The following TPD52L1 variants were observed in gnomAD, a reference collection of about 807,000 sequenced individuals.
TPD52L1 encodes the protein TPD52 like 1.
Under a neutral mutation model 28.7 loss-of-function variants are expected in TPD52L1, and 18 were observed. That is an observed-to-expected ratio of 0.63 (90% CI 0.43 to 0.93). The LOEUF is 0.93. Ranked by LOEUF, TPD52L1 falls within the 40% of genes least tolerant of loss-of-function variation. TPD52L1 has a pLI of 0.00. For missense variants in TPD52L1, 203 were observed against 254.8 expected, an observed-to-expected ratio of 0.80 and a Z score of 1.39; for synonymous variants, 75 against 88.8, an observed-to-expected ratio of 0.84 and a Z score of 0.88.
At chr6:125,254,073 AT>A (rs1247520050) in intron 5 of TPD52L1, among the ~76,000 whole-genome samples, 3 of 152,240 alleles carry the variant, frequency 2.0e-5, no homozygotes, top group Non-Finnish European at 4.4e-5. Context: ...TACATAAAGC[AT>A]TTAGCACAGT....
chr6:125,250,289 TC>T (rs1348527099), intron 4 of TPD52L1, among the ~76,000 whole-genome samples: 1 of 152,194 alleles, frequency 6.6e-6, no homozygotes, highest in African/African-American at 2.4e-5. Context: ...GTTGCACCTC[TC>T]AGAGGTTGTG....
intron 6 of TPD52L1, 54 bp from the exon 7 acceptor site, chr6:125,262,780 T>C: frequency 1.3e-6 from 2 of 1,552,460 alleles, no homozygotes; most frequent in Non-Finnish European, 1.7e-6. Flanking sequence ...TATAAAAACA[T>C]TACAAAAATG....
chr6:125,174,966 A>G (rs1473262331), intron 1 of TPD52L1, among the ~76,000 whole-genome samples: 2 of 152,206 alleles, frequency 1.3e-5, no homozygotes, highest in Admixed American at 6.5e-5. Context: ...ATTTCAAAAA[A>G]TAAGGCACAA....
intron 1 of TPD52L1, chr6:125,214,471 C>CT (rs1026975767): frequency 2.5e-5 from 25 of 983,272 alleles, no homozygotes; most frequent in Middle Eastern, 5.2e-4. Flanking sequence ...TCGGTAAGTC[C>CT]TAGATATCTA....
chr6:125,170,388 T>C (rs533058298), intron 1 of TPD52L1, among the ~76,000 whole-genome samples: 14 of 149,992 alleles, frequency 9.3e-5, no homozygotes, highest in Non-Finnish European at 1.8e-4. Context: ...TTATGTAGCC[T>C]AGAAAAATAG....
At chr6:125,168,578 C>A (rs1340895173) in intron 1 of TPD52L1, among the ~76,000 whole-genome samples, 1 of 150,178 alleles carries the variant, frequency 6.7e-6, no homozygotes, top group Non-Finnish European at 1.5e-5. Flanking sequence ...AGTGCAGTGG[C>A]ACAATTTTGG....
intron 6 of TPD52L1, chr6:125,260,529 G>T (rs1797851935): frequency 6.6e-6 from 1 of 152,202 alleles, no homozygotes; most frequent in Non-Finnish European, 1.5e-5. Flanking sequence ...CCTTGGCCAG[G>T]CCTGGTGGCT....
Position 125,262,843 on chromosome 6 carries a change from G to A in TPD52L1, c.496G>A (p.Gly166Ser). The part of the protein sequence containing the change: ...TTVTSLKTKV[G>S]GTNPNGGSFE... ...GATCTGCTCATTTCAGACGAAAGTA[G>A]GCGGTACGAACCCTAATGGAGGCAG... Residue 166 changes from glycine (G) to serine (S), a missense_variant, in exon 7 of 7, where the codon GGC (glycine) becomes AGC (serine). Transcript: ENST00000534000. 6.2e-7 allele frequency: 1 copy of A among 1,613,224 alleles called. No homozygotes were observed. Among genetic ancestry groups the A allele is most frequent in the Non-Finnish European group, 8.5e-7 (1 of 1,179,794 alleles).
chr6:125,259,303 T>C lies in TPD52L1; in HGVS notation c.486+2145T>C, dbSNP rs150880256. Among the ~76,000 whole-genome samples the C allele has an allele frequency of 3.2e-3, 481 of 152,328 alleles. 1 individual carries two copies. Among genetic ancestry groups the C allele is most frequent in the Non-Finnish European group, 6.0e-3 (410 of 68,030 alleles). On this transcript the variant is annotated intron_variant, in intron 6 of 6. Coordinates refer to ENST00000534000, the MANE Select transcript of TPD52L1 (RefSeq NM_003287.4). ...CCTGTGAGAAAATAAGGTTCTGCTA[T>C]AAAGGTCCACTCCTGCCATCTTCTC...
intron 1 of TPD52L1, among the ~76,000 whole-genome samples, chr6:125,215,124 A>T (rs545672327): frequency 7.2e-5 from 11 of 152,130 alleles, no homozygotes; most frequent in Admixed American, 3.9e-4. Context: ...TCACTGAAAA[A>T]TTTTTTTTAA....
chr6:125,207,741 C>T (rs2114920499), intron 1 of TPD52L1, among the ~76,000 whole-genome samples: 1 of 152,308 alleles, frequency 6.6e-6, no homozygotes, highest in East Asian at 1.9e-4. Flanking sequence ...AAGGGGAACC[C>T]ACTGGAACAC....
chr6:125,248,471 A>G (rs1797054369), intron 4 of TPD52L1, 88 bp downstream of exon 4: 4 of 890,604 alleles, frequency 4.5e-6, no homozygotes, highest in South Asian at 3.0e-5. Flanking sequence ...TCATCTCAAC[A>G]TATGTATTTT....
intron 3 of TPD52L1, among the ~76,000 whole-genome samples, chr6:125,230,871 A>G (rs1582977727): frequency 6.6e-6 from 1 of 152,214 alleles, no homozygotes; most frequent in African/African-American, 2.4e-5. Context: ...GAAGTTAACC[A>G]ACATTCCCCA....
Position 125,248,287 on chromosome 6 carries a change from A to G in TPD52L1, c.290A>G (p.Lys97Arg). 1.9e-6 allele frequency: 3 copies of G among 1,613,892 alleles called. No homozygotes were observed. The highest frequency in any genetic ancestry group is 2.5e-6 in the Non-Finnish European group (3 of 1,179,810). Residue 97 changes from lysine to arginine, a missense_variant, in exon 4 of 7, where the codon AAG (lysine) becomes AGG (arginine). By Grantham distance (26) the Lys-to-Arg change is conservative. Transcript: ENST00000534000. The stretch of plus-strand genomic sequence containing the variant: ...TTGTTCTGTTTTATTTCTAGCTACA[A>G]GAAAACACATGAAACCCTGAGTCAC... ...WHDMQTTTAY[K>R]KTHETLSHAG...
chr6:125,212,802 G>T (rs1582939476), intron 1 of TPD52L1, among the ~76,000 whole-genome samples: 2 of 152,326 alleles, frequency 1.3e-5, no homozygotes, highest in African/African-American at 4.8e-5. Flanking sequence ...TTAATTTGTG[G>T]TGTTGTTCAG....
At chr6:125,237,081 G>C (rs1261567693) in intron 3 of TPD52L1, among the ~76,000 whole-genome samples, 1 of 152,170 alleles carries the variant, frequency 6.6e-6, no homozygotes, top group Non-Finnish European at 1.5e-5. Context: ...TGAGGAGGCT[G>C]GAAGGTCTGG....
rs200378831 is a variant in TPD52L1 at position 125,241,799 on chromosome 6, CT to C, written c.285-6475del. On this transcript the variant is annotated intron_variant, in intron 3 of 6. Coordinates refer to ENST00000534000, the MANE Select transcript of TPD52L1 (RefSeq NM_003287.4). ...TTTTTGTTTCATTTAACTTTTATAT[CT>C]TTTTTTTGTCAGTTTCATTTAGTTC... 3.4e-3 allele frequency among the ~76,000 whole-genome samples: 503 copies of C among 148,280 alleles called. 1 individual carries two copies. Among genetic ancestry groups the C allele is most frequent in the African/African-American group, 0.01 (415 of 40,808 alleles).
intron 3 of TPD52L1, among the ~76,000 whole-genome samples, chr6:125,247,835 T>C (rs1397519660): frequency 6.6e-6 from 1 of 152,238 alleles, no homozygotes; most frequent in Non-Finnish European, 1.5e-5. Context: ...GTGTTTTGCC[T>C]TTTTCTGGCT....
chr6:125,202,888 C>T (rs1369025530), intron 1 of TPD52L1, among the ~76,000 whole-genome samples: 1 of 151,384 alleles, frequency 6.6e-6, no homozygotes, highest in Non-Finnish European at 1.5e-5. Flanking sequence ...GCCTCAGCTT[C>T]CTGAGTAGCT....
Sources: gnomAD v4.1 joint callset for allele counts (sites outside exome capture counted in the v4.1 genomes callset) on GRCh38, gnomAD v4.1.1 for gene constraint, MANE v1.5 for transcripts, NCBI Gene and HGNC (gene_info 2026-07-23, HGNC 2026-07-21) for gene names.